The following PIK3C2G variants were observed in gnomAD, a reference collection of about 807,000 sequenced individuals.
PIK3C2G encodes phosphatidylinositol 3-kinase C2 domain-containing subunit gamma.
In PIK3C2G, 168 loss-of-function variants were observed where a neutral mutation model predicts 181.1. That is an observed-to-expected ratio of 0.93 (90% CI 0.82 to 1.05). The LOEUF (loss-of-function observed/expected upper bound fraction) is 1.05, where lower values mean the gene tolerates loss of function less well. PIK3C2G is among the 50% of genes least tolerant of loss of function. PIK3C2G has a pLI of 0.00. For synonymous variants in PIK3C2G, 573 were observed against 592.2 expected (o/e 0.97, Z 0.47); for missense variants, 1,869 against 1,732.8 (o/e 1.08, Z -1.40).
chr12:18,478,988 T>A (rs545614224), intron 18 of PIK3C2G, among the ~76,000 whole-genome samples: 4,003 of 143,692 alleles, frequency 0.028, 46 homozygotes, highest in African/African-American at 0.044. Context: ...AAAAAAAAAA[T>A]ATATATATAT....
chr12:18,604,163 A>C (rs1315762088), intron 30 of PIK3C2G, among the ~76,000 whole-genome samples: 1 of 152,176 alleles, frequency 6.6e-6, no homozygotes, highest in Non-Finnish European at 1.5e-5. Context: ...CTAACACATA[A>C]GCATTCATAT....
Position 18,505,474 on chromosome 12 carries a change from A to T in PIK3C2G, c.3323+13A>T. On this transcript the variant is annotated intron_variant, in intron 24 of 32. Transcript: ENST00000538779. ...GAGGGATAAAAAGGTCAGTGCACAA[A>T]TGTTTATTACAGTAATTAAGCAGTG... 6.2e-7 allele frequency: 1 copy of T among 1,602,038 alleles called. No homozygotes were observed. The highest frequency in any genetic ancestry group is 8.5e-7 in the Non-Finnish European group (1 of 1,171,866).
intron 14 of PIK3C2G, among the ~76,000 whole-genome samples, chr12:18,383,983 TA>T (rs1159124062): frequency 9.5e-5 from 13 of 136,404 alleles, no homozygotes; most frequent in African/African-American, 3.2e-4. Flanking sequence ...TTATTATTAT[TA>T]TTATTTTTTT....
chr12:18,627,447 A>T (rs1823987636), intron 31 of PIK3C2G, among the ~76,000 whole-genome samples: 2 of 151,764 alleles, frequency 1.3e-5, no homozygotes, highest in Admixed American at 1.3e-4. Context: ...AGTTTTTGTA[A>T]ACCTGTGTCC....
At chr12:18,345,513 A>G (rs1939587722) in intron 10 of PIK3C2G, among the ~76,000 whole-genome samples, 1 of 152,210 alleles carries the variant, frequency 6.6e-6, no homozygotes. Flanking sequence ...AGACAGACGT[A>G]CTGAGGCACA....
chr12:18,510,867 A>G (rs550509488), intron 24 of PIK3C2G, among the ~76,000 whole-genome samples: 1 of 152,254 alleles, frequency 6.6e-6, no homozygotes, highest in South Asian at 2.1e-4. Context: ...AATTTACTCT[A>G]TTATTTTTAC....
chr12:18,653,294 A>C (rs576887053), downstream of PIK3C2G, among the ~76,000 whole-genome samples: 1 of 152,302 alleles, frequency 6.6e-6, no homozygotes, highest in South Asian at 2.1e-4. Context: ...ATTTGATATT[A>C]CATAGGAAAA....
the PIK3C2G span, among the ~76,000 whole-genome samples, chr12:18,715,171 G>GGGC: frequency 1.8e-4 from 3 of 17,070 alleles, 1 homozygote; most frequent in Non-Finnish European, 6.2e-4. Flanking sequence ...AAGGCGGTGG[G>GGGC]GGGGGGGGGG....
chr12:18,346,808 C>A lies in PIK3C2G; in HGVS notation c.1597C>A (p.His533Asn). Residue 533 changes from histidine to asparagine, a missense_variant, in exon 11 of 33, where the codon CAC becomes AAC. Coordinates refer to ENST00000538779, the MANE Select transcript of PIK3C2G (RefSeq NM_001288772.2). ...CCTCAGCTTCACAGTGTATGCAGCA[C>A]ACAACATTCCAGAAACCTGGGTGCA... is the stretch of plus-strand genomic sequence containing the variant. ...SHLSFTVYAA[H>N]NIPETWVHSY... is the part of the protein sequence containing the mutation. 6.2e-7 allele frequency: 1 copy of A among 1,611,668 alleles called. No individual in the cohort carries two copies. Among genetic ancestry groups the A allele is most frequent in the Non-Finnish European group, 8.5e-7 (1 of 1,178,786 alleles).
the PIK3C2G span, among the ~76,000 whole-genome samples, chr12:18,665,221 G>T: frequency 1.3e-5 from 2 of 151,836 alleles, no homozygotes; most frequent in African/African-American, 2.4e-5. Flanking sequence ...GCCAGGGACT[G>T]GTGGAATGGG....
chr12:18,572,016 A>G (rs938089684), intron 29 of PIK3C2G, among the ~76,000 whole-genome samples: 1 of 150,204 alleles, frequency 6.7e-6, no homozygotes, highest in Non-Finnish European at 1.5e-5. Context: ...CCTGTTAGGA[A>G]TTACCATAGA....
At chr12:18,618,527 G>A (rs1948705601) in intron 31 of PIK3C2G, among the ~76,000 whole-genome samples, 1 of 152,132 alleles carries the variant, frequency 6.6e-6, no homozygotes, top group Non-Finnish European at 1.5e-5. Context: ...AAACAGCACA[G>A]AGTTTCCACA....
intron 29 of PIK3C2G, among the ~76,000 whole-genome samples, chr12:18,589,106 G>C (rs1051623762): frequency 2.0e-5 from 3 of 151,884 alleles, no homozygotes; most frequent in African/African-American, 7.2e-5. Context: ...TGGACGATAG[G>C]AGGAGAGAGA....
the PIK3C2G span, among the ~76,000 whole-genome samples, chr12:18,654,806 A>G: frequency 3.3e-5 from 5 of 152,192 alleles, no homozygotes; most frequent in Non-Finnish European, 7.3e-5. Context: ...AGTGACAAAC[A>G]TCGAACTCAC....
At chr12:18,500,814 C>G (rs1424080942) in intron 22 of PIK3C2G, among the ~76,000 whole-genome samples, 1 of 152,136 alleles carries the variant, frequency 6.6e-6, no homozygotes, top group Non-Finnish European at 1.5e-5. Context: ...TTCTCTCGCT[C>G]TTTGCAATAA....
At chr12:18,475,424 A>G (rs145400928) in intron 18 of PIK3C2G, among the ~76,000 whole-genome samples, 5 of 146,438 alleles carry the variant, frequency 3.4e-5, no homozygotes, top group African/African-American at 1.3e-4. Flanking sequence ...TTTTTCTTAC[A>G]TTTGTAATTA....
In PIK3C2G at chr12:18,638,916, G is replaced by A. The variant is rs1949716937; in HGVS notation, c.4183-1513G>A. 2.3e-5 allele frequency among the ~76,000 whole-genome samples: 3 copies of A among 131,008 alleles called. No individual in the cohort carries two copies. In the Admixed American group the frequency reaches 2.6e-4, roughly 11 times the overall value. The allele number at this position is 131,008 out of a possible 152,430, so 85.9% of individuals were successfully genotyped here. On this transcript the variant is annotated intron_variant, in intron 31 of 32. Coordinates refer to ENST00000538779, the MANE Select transcript of PIK3C2G (RefSeq NM_001288772.2). ...AACAGATAAGACAGAGAGTTAAACA[G>A]AGCAGAAACACTTTTACTACTTCAC...
chr12:18,444,500 C>T (rs904921108), intron 18 of PIK3C2G, among the ~76,000 whole-genome samples: 1 of 152,026 alleles, frequency 6.6e-6, no homozygotes, highest in Non-Finnish European at 1.5e-5. Context: ...GTGGTTTTGA[C>T]CTTTCCTTGC....
chr12:18,243,249 C>T (rs780966695), upstream of PIK3C2G, among the ~76,000 whole-genome samples: 30 of 148,082 alleles, frequency 2.0e-4, no homozygotes, highest in Non-Finnish European at 3.6e-4. Context: ...TGATAATTTT[C>T]CTAGATAACA....
Sources: gnomAD v4.1 joint callset for allele counts (sites outside exome capture counted in the v4.1 genomes callset) on GRCh38, gnomAD v4.1.1 for gene constraint, MANE v1.5 for transcripts, NCBI Gene and HGNC (gene_info 2026-07-23, HGNC 2026-07-21) for gene names.